Variants in TEAD1 observed in about 807,000 individuals in gnomAD.
TEAD1 encodes TEA domain transcription factor 1, also known as transcriptional enhancer factor TEF-1.
A neutral mutation model predicts 54.9 loss-of-function variants in TEAD1; 9 were observed. That is an observed-to-expected ratio of 0.16 (90% CI 0.10 to 0.29). The LOEUF is 0.29. TEAD1 is among the 10% of genes least tolerant of loss of function. The pLI is 1.00. For synonymous variants in TEAD1, 200 were observed against 187.8 expected (o/e 1.07, Z -0.53); for missense variants, 387 against 535.9 (o/e 0.72, Z 2.74).
chr11:12,853,616 T>A (rs1448330478), intron 3 of TEAD1, among the ~76,000 whole-genome samples: 4 of 152,216 alleles, frequency 2.6e-5, no homozygotes, highest in Admixed American at 2.6e-4. Flanking sequence ...CTAGAAATAG[T>A]TAGAACAGAA....
chr11:12,808,058 A>G (rs550522890), intron 3 of TEAD1, among the ~76,000 whole-genome samples: 1 of 152,202 alleles, frequency 6.6e-6, no homozygotes, highest in East Asian at 1.9e-4. Flanking sequence ...TTCTAAATGA[A>G]TATAGTACAC....
chr11:12,815,106 T>C (rs1190550853), intron 3 of TEAD1, among the ~76,000 whole-genome samples: 2 of 152,144 alleles, frequency 1.3e-5, no homozygotes, highest in Non-Finnish European at 2.9e-5. Flanking sequence ...GCTTTGTTTA[T>C]AGATAAGGGT....
chr11:12,923,464 C>T (rs1019113455), intron 10 of TEAD1, among the ~76,000 whole-genome samples: 2 of 152,148 alleles, frequency 1.3e-5, no homozygotes, highest in Non-Finnish European at 2.9e-5. Context: ...ATGTTCCTCA[C>T]TTAATTGTAA....
chr11:12,740,932 G>A (rs1050399850), intron 2 of TEAD1, among the ~76,000 whole-genome samples: 2 of 152,086 alleles, frequency 1.3e-5, no homozygotes, highest in African/African-American at 4.8e-5. Context: ...GGGCTTGAAT[G>A]TCTGAACTTG....
At chr11:12,830,004 G>A (rs1192984400) in intron 3 of TEAD1, among the ~76,000 whole-genome samples, 6 of 152,116 alleles carry the variant, frequency 3.9e-5, no homozygotes, top group African/African-American at 7.2e-5. Flanking sequence ...TTCCTGAGCT[G>A]GGCCTTGGGA....
intron 5 of TEAD1, among the ~76,000 whole-genome samples, chr11:12,873,370 T>G (rs2134085164): frequency 6.6e-6 from 1 of 152,238 alleles, no homozygotes; most frequent in African/African-American, 2.4e-5. Context: ...CACCTATGAG[T>G]TTGCTCGTCT....
chr11:12,887,089 T>G (rs1439278876), intron 9 of TEAD1, among the ~76,000 whole-genome samples: 28 of 10,822 alleles, frequency 2.6e-3, no homozygotes, highest in South Asian at 2.7e-3. Flanking sequence ...TTGTTTTTTT[T>G]TTTGTTTGTT....
intron 2 of TEAD1, among the ~76,000 whole-genome samples, chr11:12,715,573 C>T (rs549643234): frequency 1.9e-4 from 29 of 152,180 alleles, no homozygotes; most frequent in Non-Finnish European, 3.4e-4. Flanking sequence ...GGGAGCTGCA[C>T]GTGATGCAGA....
At position 12,938,078 on chromosome 11, in the gene TEAD1, G is replaced by GA. The variant is rs1949126619; in HGVS notation, c.*862dup. 6.6e-6 allele frequency: 1 copy of GA among 152,668 alleles called. No homozygotes were observed. Among genetic ancestry groups the GA allele is most frequent in the South Asian group, 2.1e-4 (1 of 4,822 alleles). 9.5% of individuals were successfully genotyped at this position (152,668 alleles called of 1,614,324 possible). A position where few individuals can be genotyped will look rare whatever the true frequency, so the allele number is the denominator to read the frequency against. On this transcript the variant is annotated 3_prime_UTR_variant, in exon 13 of 13. Transcript: ENST00000527636. ...TTTTTGCAATAAGTAGATACATACT[G>GA]AAAAAATCTAAACTTACAATGTTTA...
rs141635678 is a variant in TEAD1, at chr11:12,724,297, A to G, written c.-54-39882A>G. On this transcript the variant is annotated intron_variant, in intron 2 of 12. Transcript: ENST00000527636. Reference sequence around the variant, plus strand: ...CGATATTGGCAGAATAACTGGGTCTATGTACATAAAGTAGAATGATCGAGG... The same window carrying G: ...CGATATTGGCAGAATAACTGGGTCTGTGTACATAAAGTAGAATGATCGAGG... 7.4e-4 allele frequency among the ~76,000 whole-genome samples: 112 copies of G among 152,362 alleles called. 1 individual carries two copies. In the East Asian group the frequency reaches 0.019, roughly 25 times the overall value.
intron 3 of TEAD1, among the ~76,000 whole-genome samples, chr11:12,857,859 C>A (rs1005941373): frequency 6.6e-6 from 1 of 151,958 alleles, no homozygotes; most frequent in Admixed American, 6.6e-5. Context: ...CCGAGGTGGG[C>A]GGATTGCTTG....
intron 3 of TEAD1, among the ~76,000 whole-genome samples, chr11:12,786,574 A>G (rs1315906919): frequency 6.6e-6 from 1 of 152,206 alleles, no homozygotes; most frequent in Non-Finnish European, 1.5e-5. Context: ...TAGCAACTCT[A>G]CTTAGTAAGG....
intron 10 of TEAD1, chr11:12,922,894 A>C (rs1308584829): frequency 7.4e-6 from 1 of 135,628 alleles, no homozygotes; most frequent in East Asian, 2.2e-4. Context: ...CAGTGATTCC[A>C]GCCTAGACGA....
chr11:12,853,837 G>A (rs1439952912), intron 3 of TEAD1, among the ~76,000 whole-genome samples: 1 of 152,146 alleles, frequency 6.6e-6, no homozygotes, highest in African/African-American at 2.4e-5. Flanking sequence ...GAGAAGGTGG[G>A]ACTTGAGTTA....
In TEAD1 at chr11:12,944,510, T is replaced by C. The variant is rs796466277; in HGVS notation, c.*7288T>C. 6 of 152,746 alleles carry C rather than the reference T, an allele frequency of 3.9e-5. No individual in the cohort carries two copies. Among genetic ancestry groups the C allele is most frequent in the African/African-American group, 1.4e-4 (6 of 41,560 alleles). 9.5% of individuals were successfully genotyped at this position (152,746 alleles called of 1,614,324 possible). On this transcript the variant is annotated 3_prime_UTR_variant, in exon 13 of 13. Transcript: ENST00000527636. ...AAAAAAAAAAAATGTATTCTAGCTT[T>C]TGCGGTACATATGTGTGATAACTTT...
intron 3 of TEAD1, among the ~76,000 whole-genome samples, chr11:12,817,345 G>A (rs886894597): frequency 2.0e-5 from 3 of 152,152 alleles, no homozygotes; most frequent in African/African-American, 7.2e-5. Context: ...AGAATAAATG[G>A]CCAGCATTTG....
At chr11:12,893,982 C>T (rs1027438744) in intron 9 of TEAD1, among the ~76,000 whole-genome samples, 2 of 152,156 alleles carry the variant, frequency 1.3e-5, no homozygotes, top group African/African-American at 4.8e-5. Flanking sequence ...CCCCCAGGGG[C>T]CACCGCAGGC....
chr11:12,796,833 CG>C (rs1945938446), intron 3 of TEAD1, among the ~76,000 whole-genome samples: 1 of 150,400 alleles, frequency 6.6e-6, no homozygotes, highest in Non-Finnish European at 1.5e-5. Flanking sequence ...CAGATGTGGC[CG>C]GGTGCGGTAG....
At position 12,736,511 on chromosome 11, in the gene TEAD1, A is replaced by T. The variant is rs569314509; in HGVS notation, c.-54-27668A>T. ...ACAAATAATCACCTGTCCTCCTTTG[A>T]AGATGCAATTTATTAGTGATTGTCT... On this transcript the variant is annotated intron_variant, in intron 2 of 12. Coordinates refer to ENST00000527636, the MANE Select transcript of TEAD1 (RefSeq NM_021961.6). Among the ~76,000 whole-genome samples the T allele has an allele frequency of 9.7e-4, 148 of 152,338 alleles. 1 individual carries two copies. The highest frequency in any genetic ancestry group is 3.4e-3 in the African/African-American group (142 of 41,584).
Sources: gnomAD v4.1 joint callset for allele counts (sites outside exome capture counted in the v4.1 genomes callset) on GRCh38, gnomAD v4.1.1 for gene constraint, MANE v1.5 for transcripts, NCBI Gene and HGNC (gene_info 2026-07-23, HGNC 2026-07-21) for gene names.